TPRG1: variants seen among roughly 807,000 people sequenced by gnomAD.
TPRG1 encodes the protein tumor protein p63 regulated 1.
In TPRG1, 29 loss-of-function variants were observed where a neutral mutation model predicts 29.3. That is an observed-to-expected ratio of 0.99 (90% CI 0.74 to 1.35). The LOEUF is 1.35. Ranked by LOEUF, TPRG1 falls within the 40% of genes most tolerant of loss-of-function variation. The probability of loss-of-function intolerance (pLI) is 0.00; values close to 1 mark genes in which losing one functional copy is unlikely to be tolerated. For missense variants in TPRG1, 327 were observed against 335.0 expected, an observed-to-expected ratio of 0.98 and a Z score of 0.19; for synonymous variants, 130 against 116.8, an observed-to-expected ratio of 1.11 and a Z score of -0.73.
intron 3 of TPRG1, 72 bp downstream of exon 3, chr3:189,215,455 G>C: frequency 8.3e-7 from 1 of 1,211,002 alleles, no homozygotes; most frequent in East Asian, 2.4e-5. Flanking sequence ...AGCAGAATAG[G>C]AGATGGACCT....
At chr3:189,313,300 T>C (rs1038849474) in intron 5 of TPRG1, 13 of 152,194 alleles carry the variant, frequency 8.5e-5, no homozygotes, top group African/African-American at 2.9e-4. Context: ...GTTATATCAA[T>C]GTAAAAGAAT....
At chr3:189,019,585 C>G (rs905652099) in intron 3 of TPRG1, among the ~76,000 whole-genome samples, 3 of 152,312 alleles carry the variant, frequency 2.0e-5, no homozygotes, top group Admixed American at 1.3e-4. Context: ...ATGAAGCCCA[C>G]TTGATCATGA....
At chr3:189,100,868 G>A (rs574799333) in intron 1 of TPRG1, among the ~76,000 whole-genome samples, 2 of 152,300 alleles carry the variant, frequency 1.3e-5, no homozygotes, top group East Asian at 3.9e-4. Flanking sequence ...TCTGGTAAAA[G>A]AAAATCCTGC....
chr3:189,027,427 T>C (rs1713719633), intron 4 of TPRG1, among the ~76,000 whole-genome samples: 1 of 152,228 alleles, frequency 6.6e-6, no homozygotes, highest in South Asian at 2.1e-4. Context: ...AGAACTATGC[T>C]GAAAATCTCA....
At chr3:189,076,123 C>T (rs1411934977) in intron 4 of TPRG1, among the ~76,000 whole-genome samples, 1 of 152,196 alleles carries the variant, frequency 6.6e-6, no homozygotes, top group Non-Finnish European at 1.5e-5. Context: ...TCCAGGTATA[C>T]TTGGCCTGAG....
intron 4 of TPRG1, among the ~76,000 whole-genome samples, chr3:189,028,537 A>C (rs1713778540): frequency 6.6e-6 from 1 of 152,232 alleles, no homozygotes; most frequent in Non-Finnish European, 1.5e-5. Context: ...ATTATAGCTA[A>C]CAGATAAGAA....
intron 4 of TPRG1, among the ~76,000 whole-genome samples, chr3:189,051,851 A>G (rs1026748077): frequency 7.2e-5 from 11 of 152,140 alleles, no homozygotes; most frequent in Admixed American, 7.2e-4. Flanking sequence ...GGGAAAGGAC[A>G]CCCTTTTCAA....
At chr3:189,206,500 C>CTTTT (rs11336790) in intron 1 of TPRG1, among the ~76,000 whole-genome samples, 1 of 131,194 alleles carries the variant, frequency 7.6e-6, no homozygotes, top group African/African-American at 2.9e-5. Context: ...GATGAACAAA[C>CTTTT]TTTTTTTTTT....
At chr3:189,239,884 T>C (rs1740236156) in intron 4 of TPRG1, among the ~76,000 whole-genome samples, 1 of 152,152 alleles carries the variant, frequency 6.6e-6, no homozygotes, top group African/African-American at 2.4e-5. Flanking sequence ...ATTAGGTAAG[T>C]TCCTGTCATA....
At chr3:189,218,920 T>C (rs892675827) in intron 3 of TPRG1, among the ~76,000 whole-genome samples, 1 of 152,164 alleles carries the variant, frequency 6.6e-6, no homozygotes, top group Non-Finnish European at 1.5e-5. Flanking sequence ...GAGAAGAGAC[T>C]GGAGAAGAGA....
intron 4 of TPRG1, among the ~76,000 whole-genome samples, chr3:189,094,582 G>C (rs538521828): frequency 6.6e-6 from 1 of 152,122 alleles, no homozygotes; most frequent in African/African-American, 2.4e-5. Context: ...CCTCCTCACA[G>C]ACTCCGGCTT....
intron 4 of TPRG1, among the ~76,000 whole-genome samples, chr3:189,266,365 A>G (rs1714082555): frequency 6.6e-6 from 1 of 152,198 alleles, no homozygotes; most frequent in East Asian, 1.9e-4. Flanking sequence ...CTGAGAAGCT[A>G]GTGAGTCAGA....
chr3:189,187,367 C>T (rs1212939252), intron 1 of TPRG1, among the ~76,000 whole-genome samples: 1 of 151,832 alleles, frequency 6.6e-6, no homozygotes, highest in Non-Finnish European at 1.5e-5. Context: ...AGTGCAGTGA[C>T]ACGGTATTGG....
At chr3:189,304,116 G>GTTTTTTTTTT (rs67456701) in intron 4 of TPRG1, among the ~76,000 whole-genome samples, 1 of 137,052 alleles carries the variant, frequency 7.3e-6, no homozygotes. Context: ...GTTAACTCTT[G>GTTTTTTTTTT]TTTTTTTTTT....
At chr3:189,128,993 A>C (rs1301550440) in intron 2 of TPRG1, among the ~76,000 whole-genome samples, 1 of 152,214 alleles carries the variant, frequency 6.6e-6, no homozygotes. Flanking sequence ...AGGAAAAACA[A>C]AAACAAAAAC....
chr3:189,073,552 A>AT (rs1434295532), intron 4 of TPRG1, among the ~76,000 whole-genome samples: 9 of 151,752 alleles, frequency 5.9e-5, no homozygotes, highest in Admixed American at 2.6e-4. Flanking sequence ...TCTTATGTTC[A>AT]TTTTTTTCTG....
intron 4 of TPRG1, among the ~76,000 whole-genome samples, chr3:189,246,845 A>T (rs1272943528): frequency 6.6e-6 from 1 of 152,146 alleles, no homozygotes; most frequent in Non-Finnish European, 1.5e-5. Flanking sequence ...ATCTCTGATG[A>T]GAGGTCCACA....
intron 1 of TPRG1, among the ~76,000 whole-genome samples, chr3:189,125,221 C>A (rs930141821): frequency 2.6e-5 from 4 of 152,184 alleles, no homozygotes; most frequent in African/African-American, 9.7e-5. Flanking sequence ...AGAGTCAGAG[C>A]AAGTCAAATC....
intron 1 of TPRG1, among the ~76,000 whole-genome samples, chr3:189,117,636 G>C (rs1188104079): frequency 6.6e-6 from 1 of 152,218 alleles, no homozygotes; most frequent in African/African-American, 2.4e-5. Flanking sequence ...TGGATCATGG[G>C]AGTAGTTTCC....
Sources: allele counts gnomAD v4.1 joint callset (sites outside exome capture counted in the v4.1 genomes callset), GRCh38; gene constraint gnomAD v4.1.1; transcripts MANE v1.5; gene names NCBI Gene and HGNC (gene_info 2026-07-23, HGNC 2026-07-21).